Variants in NRXN3 observed in about 807,000 individuals in gnomAD.
NRXN3 encodes the protein neurexin III.
In NRXN3, 32 loss-of-function variants were observed where a neutral mutation model predicts 137.6. The observed-to-expected ratio is 0.23, with a 90% CI of 0.18 to 0.31. The LOEUF (loss-of-function observed/expected upper bound fraction) is 0.31, where lower values mean the gene tolerates loss of function less well. Ranked by LOEUF, NRXN3 falls within the 10% of genes least tolerant of loss-of-function variation. The pLI is 1.00. For missense variants in NRXN3, 1,574 were observed against 2,062.5 expected, an observed-to-expected ratio of 0.76 and a Z score of 4.59; for synonymous variants, 798 against 784.5, an observed-to-expected ratio of 1.02 and a Z score of -0.29.
At chr14:79,665,217 G>A (rs1332383812) in intron 17 of NRXN3, among the ~76,000 whole-genome samples, 1 of 152,042 alleles carries the variant, frequency 6.6e-6, no homozygotes, top group Non-Finnish European at 1.5e-5. Flanking sequence ...AATTGTAAGA[G>A]CATCTGGAAA....
chr14:79,190,994 T>C (rs2064227863), intron 15 of NRXN3, among the ~76,000 whole-genome samples: 1 of 152,184 alleles, frequency 6.6e-6, no homozygotes, highest in Non-Finnish European at 1.5e-5. Flanking sequence ...GAGTTTCCCA[T>C]CTCCACTAAG....
At chr14:79,436,876 G>C (rs956063052) in intron 15 of NRXN3, among the ~76,000 whole-genome samples, 1 of 152,058 alleles carries the variant, frequency 6.6e-6, no homozygotes, top group Non-Finnish European at 1.5e-5. Context: ...CCTGCACTCC[G>C]TTATCTACCT....
At chr14:79,320,237 T>C (rs2089736394) in intron 15 of NRXN3, among the ~76,000 whole-genome samples, 1 of 152,220 alleles carries the variant, frequency 6.6e-6, no homozygotes, top group African/African-American at 2.4e-5. Context: ...CAGAACTCAC[T>C]GGTCATTAAA....
intron 19 of NRXN3, among the ~76,000 whole-genome samples, chr14:79,700,217 A>T (rs1488779538): frequency 6.6e-6 from 1 of 152,012 alleles, no homozygotes; most frequent in Admixed American, 6.6e-5. Flanking sequence ...CAGGTAAGGA[A>T]GGTCAGTCCC....
chr14:78,865,568 A>C (rs1245920500), intron 10 of NRXN3, among the ~76,000 whole-genome samples: 10 of 152,186 alleles, frequency 6.6e-5, no homozygotes, highest in Admixed American at 5.9e-4. Flanking sequence ...TAACTTTCTA[A>C]TTTAAATACC....
chr14:79,727,751 C>A (rs1325004919), intron 19 of NRXN3, among the ~76,000 whole-genome samples: 2 of 152,076 alleles, frequency 1.3e-5, no homozygotes, highest in Non-Finnish European at 2.9e-5. Context: ...ATAAACGAAC[C>A]CCCATTGTGC....
chr14:79,135,076 C>T lies in NRXN3; in HGVS notation c.3262+146935C>T, dbSNP rs2058083208. ...CTCTCTCTTGTATATGTTTAAATAA[C>T]AGAATAGAAAGGAATATGGGAGGTA... On this transcript the variant is annotated intron_variant, in intron 15 of 20. Coordinates refer to ENST00000335750, the MANE Select transcript of NRXN3 (RefSeq NM_001330195.2). Among the ~76,000 whole-genome samples, 4 of 152,044 alleles carry T rather than the reference C, an allele frequency of 2.6e-5. No individual in the cohort carries two copies. In the South Asian group the frequency reaches 8.3e-4, roughly 32 times the overall value.
At chr14:78,312,001 C>CTGCACAG (rs1567227793) in intron 4 of NRXN3, among the ~76,000 whole-genome samples, 10 of 152,116 alleles carry the variant, frequency 6.6e-5, no homozygotes, top group Non-Finnish European at 1.5e-4. Flanking sequence ...ATTTGTAGCA[C>CTGCACAG]AATCGGGACT....
intron 19 of NRXN3, among the ~76,000 whole-genome samples, chr14:79,757,484 T>G (rs1422756242): frequency 6.6e-6 from 1 of 152,216 alleles, no homozygotes; most frequent in African/African-American, 2.4e-5. Flanking sequence ...TTATATCTGG[T>G]GAAATTATTA....
rs140489708 is a variant in NRXN3, at chr14:78,611,469, GA to G, written c.758-33648del. On this transcript the variant is annotated intron_variant, in intron 4 of 20. Transcript: ENST00000335750. ...CTCTGAATCACTTATGGATATACCA[GA>G]AAGCATACATATATAATGCAATTAT... Among the ~76,000 whole-genome samples, 48 of 148,806 alleles carry G rather than the reference GA, an allele frequency of 3.2e-4. No individual in the cohort carries two copies. The East Asian group carries it at 8.7e-3, about 27-fold the overall frequency.
intron 4 of NRXN3, among the ~76,000 whole-genome samples, chr14:78,309,019 A>G (rs4903745): frequency 6.6e-6 from 1 of 151,974 alleles, no homozygotes; most frequent in South Asian, 2.1e-4. Context: ...TATGAAGTTG[A>G]TGAAAGGACT....
chr14:79,194,015 C>T (rs2064792589), intron 15 of NRXN3, among the ~76,000 whole-genome samples: 2 of 152,152 alleles, frequency 1.3e-5, no homozygotes, highest in African/African-American at 4.8e-5. Context: ...AGTGTTTTAA[C>T]TTTCTTCAAA....
chr14:79,395,942 G>C (rs1430442448), intron 15 of NRXN3, among the ~76,000 whole-genome samples: 1 of 152,050 alleles, frequency 6.6e-6, no homozygotes, highest in Non-Finnish European at 1.5e-5. Flanking sequence ...GTGATATCAT[G>C]AGGTAAATAT....
chr14:79,697,515 C>G (rs2098739914), intron 18 of NRXN3, 115 bp from the exon 19 acceptor site: 2 of 1,045,438 alleles, frequency 1.9e-6, no homozygotes, highest in African/African-American at 1.6e-5. Context: ...TCTATTTTTT[C>G]CTCCCCTTCA....
chr14:78,323,579 C>A (rs1010855439), intron 4 of NRXN3, among the ~76,000 whole-genome samples: 9 of 152,008 alleles, frequency 5.9e-5, no homozygotes, highest in Non-Finnish European at 1.2e-4. Context: ...CAGCTAAATC[C>A]TCCCTGAGCC....
At chr14:78,976,268 T>C (rs1598124040) in intron 14 of NRXN3, among the ~76,000 whole-genome samples, 1 of 152,304 alleles carries the variant, frequency 6.6e-6, no homozygotes, top group East Asian at 1.9e-4. Context: ...AATTATAACT[T>C]CTCTTAGCAG....
intron 15 of NRXN3, among the ~76,000 whole-genome samples, chr14:79,185,069 TAAG>T (rs1340101319): frequency 3.9e-5 from 6 of 152,238 alleles, no homozygotes; most frequent in African/African-American, 1.2e-4. Flanking sequence ...TACATCATCT[TAAG>T]AAGTTATTAG....
intron 10 of NRXN3, among the ~76,000 whole-genome samples, chr14:78,949,038 T>G (rs893974839): frequency 2.6e-5 from 4 of 152,244 alleles, no homozygotes; most frequent in African/African-American, 9.6e-5. Flanking sequence ...AGACCACGTA[T>G]GCAAAGCAAC....
chr14:78,486,156 G>A (rs1168575079), intron 4 of NRXN3, among the ~76,000 whole-genome samples: 1 of 152,208 alleles, frequency 6.6e-6, no homozygotes. Context: ...ATTTTTGTGA[G>A]TGTTTAAATA....
Sources: allele counts gnomAD v4.1 joint callset (sites outside exome capture counted in the v4.1 genomes callset), GRCh38; gene constraint gnomAD v4.1.1; transcripts MANE v1.5; gene names NCBI Gene and HGNC (gene_info 2026-07-23, HGNC 2026-07-21).